The following UBAP2 variants were observed in gnomAD, a reference collection of about 807,000 sequenced individuals.
The protein encoded by UBAP2 is ubiquitin associated protein 2.
Under a neutral mutation model 139.6 loss-of-function variants are expected in UBAP2, and 75 were observed. That is an observed-to-expected ratio of 0.54 (90% CI 0.45 to 0.65). The LOEUF (loss-of-function observed/expected upper bound fraction) is 0.65. UBAP2 is among the 30% of genes least tolerant of loss of function. The pLI is 0.00. For missense variants in UBAP2, 1,368 were observed against 1,369.6 expected (o/e 1.00, Z 0.02); for synonymous variants, 526 against 526.2 (o/e 1.00, Z 0.01).
At chr9:33,928,050 G>A (rs1358774717) in intron 19 of UBAP2, 58 bp from the exon 20 acceptor site, 8 of 1,537,740 alleles carry the variant, frequency 5.2e-6, no homozygotes, top group African/African-American at 1.4e-5. Flanking sequence ...GGGTGCTGGG[G>A]AGAGCCTGGC....
At chr9:33,986,860 A>T in intron 5 of UBAP2, 23 bp from the exon 6 acceptor site, 1 of 1,608,210 alleles carries the variant, frequency 6.2e-7, no homozygotes, top group African/African-American at 1.3e-5. Flanking sequence ...GAGCAGAAAA[A>T]TCAAATTTCC....
chr9:34,026,521 A>C (rs1349466598), intron 1 of UBAP2, among the ~76,000 whole-genome samples: 1 of 152,210 alleles, frequency 6.6e-6, no homozygotes, highest in Non-Finnish European at 1.5e-5. Flanking sequence ...TCATGAGACC[A>C]GTGGTGCAGG....
chr9:34,016,388 T>A (rs28607766), intron 2 of UBAP2, among the ~76,000 whole-genome samples: 1 of 82,890 alleles, frequency 1.2e-5, no homozygotes, highest in African/African-American at 4.2e-5. Context: ...GTGGTGGTGG[T>A]GGTGGTGGTG....
At chr9:33,965,480 A>G (rs945827131) in intron 8 of UBAP2, among the ~76,000 whole-genome samples, 2 of 152,052 alleles carry the variant, frequency 1.3e-5, no homozygotes, top group Admixed American at 6.6e-5. Context: ...CTCTTTTATG[A>G]CTCAGGCTTA....
In UBAP2 at chr9:33,949,024, G is replaced by A. The variant is rs148912893; in HGVS notation, c.1057-437C>T. On this transcript the variant is annotated intron_variant, in intron 12 of 28. Coordinates refer to ENST00000379238, the MANE Select transcript of UBAP2 (RefSeq NM_001370062.2). ...TACTAAAAATACAAAAAAATTAGCCGGGAGTTTTGGCAGGCGCTTGTAGTC... is the reference window on the plus strand; with the variant it reads ...TACTAAAAATACAAAAAAATTAGCCAGGAGTTTTGGCAGGCGCTTGTAGTC... 5.5e-3 allele frequency: 882 copies of A among 160,824 alleles called. 13 individuals are homozygous for A. Among genetic ancestry groups the A allele is most frequent in the African/African-American group, 0.019 (800 of 41,602 alleles). 10.0% of individuals were successfully genotyped at this position (160,824 alleles called of 1,614,324 possible). A position where few individuals can be genotyped will look rare whatever the true frequency, so the allele number is the denominator to read the frequency against.
rs1269545677 is a variant in UBAP2, at chr9:33,972,390, T to C, written c.576-636A>G. ...TAATGAGCAGGGCTATGTCTTAAAG[T>C]GCTCCTGAGAGTTTGCTCCCTGTGT... On this transcript the variant is annotated intron_variant, in intron 7 of 28. Transcript: ENST00000379238. Among the ~76,000 whole-genome samples, 20 of 152,216 alleles carry C rather than the reference T, an allele frequency of 1.3e-4. 1 individual carries two copies.
rs183172422 is a variant in UBAP2, at chr9:34,019,174, G to T, written c.-41-1985C>A. On this transcript the variant is annotated intron_variant, in intron 1 of 28. Coordinates refer to ENST00000379238, the MANE Select transcript of UBAP2 (RefSeq NM_001370062.2). ...CCAGTACTTTGGGAAGAGGAGGCAG[G>T]TAGATTGATTACAAGGTCAGGAGTT... Among the ~76,000 whole-genome samples the T allele has an allele frequency of 9.4e-3, 1,426 of 152,222 alleles. 18 individuals are homozygous for T. The highest frequency in any genetic ancestry group is 0.032 in the African/African-American group (1,330 of 41,528).
Position 33,933,556 on chromosome 9 carries a change from G to T in UBAP2, c.2042C>A (p.Ala681Glu). The change falls in exon 18 of 29, where the codon GCA becomes GAA. Residue 681 changes from alanine (A) to glutamate (E), a missense_variant. Coordinates refer to ENST00000379238, the MANE Select transcript of UBAP2 (RefSeq NM_001370062.2). ...SSLPSTTSCT[A>E]LLPSTSQHTG... ...GTGCTGGGATGTGGACGGCAGAAGT[G>T]CAGTGCAGGAGGTGGTGCTGGGCAG... 6.2e-7 allele frequency: 1 copy of T among 1,614,044 alleles called. No individual in the cohort carries two copies.
intron 6 of UBAP2, among the ~76,000 whole-genome samples, chr9:33,976,703 TTTTC>T (rs1373055282): frequency 2.0e-5 from 3 of 152,180 alleles, no homozygotes; most frequent in African/African-American, 7.2e-5. Context: ...GTAAAGAATA[TTTTC>T]TTTCTTAGGC....
At chr9:33,928,728 T>C (rs896394883) in intron 19 of UBAP2, 1 of 152,208 alleles carries the variant, frequency 6.6e-6, no homozygotes, top group African/African-American at 2.4e-5. Flanking sequence ...TCCGAGCAGG[T>C]AGGTGGGGGG....
In UBAP2 at chr9:33,923,298, C is replaced by T. The variant is rs376635688; in HGVS notation, c.2897-5G>A. Reference sequence around the variant, plus strand: ...CCTGGGTCAGGTCGTCATAACCTAGCGTGGCAGGGTACAAGAGGCAAGTGT... The same window carrying T: ...CCTGGGTCAGGTCGTCATAACCTAGTGTGGCAGGGTACAAGAGGCAAGTGT... On this transcript the variant is annotated splice_polypyrimidine_tract_variant and splice_region_variant and intron_variant, in intron 25 of 28. Coordinates refer to ENST00000379238, the MANE Select transcript of UBAP2 (RefSeq NM_001370062.2). The T allele has an allele frequency of 2.2e-5, 35 of 1,614,072 alleles. No homozygotes were observed. Among genetic ancestry groups the T allele is most frequent in the Non-Finnish European group, 1.8e-5 (21 of 1,180,032 alleles).
intron 6 of UBAP2, among the ~76,000 whole-genome samples, chr9:33,975,450 A>C (rs1471307906): frequency 3.1e-5 from 3 of 97,944 alleles, no homozygotes; most frequent in South Asian, 3.3e-4. Flanking sequence ...AAAAACAAAA[A>C]AAAAACCAAG....
At chr9:33,944,683 A>T (rs766017435) in intron 13 of UBAP2, 44 bp from the exon 14 acceptor site, 1 of 1,589,730 alleles carries the variant, frequency 6.3e-7, no homozygotes, top group Non-Finnish European at 8.6e-7. Context: ...ATGGCTTCAC[A>T]ATGTTCTTCA....
chr9:33,966,076 G>A (rs577186897), intron 8 of UBAP2, among the ~76,000 whole-genome samples: 2 of 151,822 alleles, frequency 1.3e-5, no homozygotes, highest in South Asian at 2.1e-4. Flanking sequence ...AGGGAGTGTG[G>A]GTCTTAGAAC....
At chr9:34,020,529 T>G (rs1824846221) in intron 1 of UBAP2, among the ~76,000 whole-genome samples, 1 of 151,910 alleles carries the variant, frequency 6.6e-6, no homozygotes, top group Admixed American at 6.6e-5. Flanking sequence ...TTTGGCCATG[T>G]TGGTCAGGCT....
At chr9:34,007,872 A>C (rs1823377056) in intron 2 of UBAP2, among the ~76,000 whole-genome samples, 1 of 151,568 alleles carries the variant, frequency 6.6e-6, no homozygotes, top group Non-Finnish European at 1.5e-5. Context: ...CTATCTCCTG[A>C]CCTCATGATC....
At chr9:33,938,158 AATTATT>A (rs1050513456) in intron 16 of UBAP2, among the ~76,000 whole-genome samples, 1 of 151,634 alleles carries the variant, frequency 6.6e-6, no homozygotes, top group African/African-American at 2.4e-5. Flanking sequence ...CATCACACCT[AATTATT>A]ATTATTATTT....
chr9:33,969,837 G>A (rs1444933755), intron 8 of UBAP2, among the ~76,000 whole-genome samples: 2 of 149,222 alleles, frequency 1.3e-5, no homozygotes, highest in African/African-American at 4.9e-5. Flanking sequence ...TTGCACTCCA[G>A]CCTGGGTGAC....
chr9:34,004,756 C>A (rs1468710806), intron 2 of UBAP2, among the ~76,000 whole-genome samples: 2 of 150,926 alleles, frequency 1.3e-5, no homozygotes, highest in African/African-American at 4.9e-5. Context: ...TGCACTCCAG[C>A]CTGGGCAAAA....
Sources: gnomAD v4.1 joint callset for allele counts (sites outside exome capture counted in the v4.1 genomes callset) on GRCh38, gnomAD v4.1.1 for gene constraint, MANE v1.5 for transcripts, NCBI Gene and HGNC (gene_info 2026-07-23, HGNC 2026-07-21) for gene names.